Variants in CHODL observed in about 807,000 individuals in gnomAD.
CHODL encodes the protein chondrolectin, also known as transmembrane protein MT75.
A neutral mutation model predicts 34.5 loss-of-function variants in CHODL; 29 were observed. The observed-to-expected ratio is 0.84, with a 90% CI of 0.63 to 1.15. The LOEUF is 1.15. Among genes scored for constraint, CHODL ranks in the 50% most tolerant of loss-of-function variants. The pLI is 0.00. For missense variants in CHODL, 332 were observed against 332.5 expected, an observed-to-expected ratio of 1.00 and a Z score of 0.01; for synonymous variants, 125 against 116.1, an observed-to-expected ratio of 1.08 and a Z score of -0.49.
chr21:18,127,172 T>G (rs1601038295), intron 2 of CHODL, among the ~76,000 whole-genome samples: 1 of 148,010 alleles, frequency 6.8e-6, no homozygotes, highest in East Asian at 2.3e-4. Context: ...ATAATGATGA[T>G]GGATATATGT....
chr21:18,168,882 T>C (rs2073189913), intron 2 of CHODL, among the ~76,000 whole-genome samples: 1 of 152,192 alleles, frequency 6.6e-6, no homozygotes, highest in Non-Finnish European at 1.5e-5. Flanking sequence ...TTTCTAAGAA[T>C]TCTATAGGTT....
intron 1 of CHODL, among the ~76,000 whole-genome samples, chr21:18,008,808 C>T (rs528352379): frequency 2.6e-5 from 4 of 152,194 alleles, no homozygotes; most frequent in East Asian, 1.9e-4. Flanking sequence ...TATGTTACTC[C>T]GTTGGCATAT....
At chr21:18,180,825 C>T (rs115415656) in intron 2 of CHODL, among the ~76,000 whole-genome samples, 3,075 of 152,298 alleles carry the variant, frequency 0.02, 116 homozygotes, top group African/African-American at 0.068. Context: ...ATCTTTTCTG[C>T]TCTTTACTAG....
At chr21:18,122,566 T>C (rs2065493131) in intron 2 of CHODL, among the ~76,000 whole-genome samples, 1 of 152,170 alleles carries the variant, frequency 6.6e-6, no homozygotes, top group Admixed American at 6.5e-5. Flanking sequence ...TTTTACTATT[T>C]TAATGGGCTC....
intron 1 of CHODL, among the ~76,000 whole-genome samples, chr21:17,974,786 C>T (rs958825229): frequency 1.3e-5 from 2 of 151,478 alleles, no homozygotes; most frequent in African/African-American, 4.8e-5. Flanking sequence ...AACAAAACAT[C>T]TTTAATCACT....
intron 2 of CHODL, among the ~76,000 whole-genome samples, chr21:18,034,040 C>A (rs751008757): frequency 2.0e-5 from 3 of 151,912 alleles, no homozygotes; most frequent in African/African-American, 7.2e-5. Context: ...GAATTGAGAA[C>A]CCTATGAGTG....
chr21:18,251,739 T>C (rs2074258329), intron 1 of CHODL, among the ~76,000 whole-genome samples: 1 of 124,312 alleles, frequency 8.0e-6, no homozygotes, highest in Non-Finnish European at 1.7e-5. Flanking sequence ...TTATTTTATT[T>C]ATTTTATTTA....
rs1368751265 is a variant in CHODL at position 18,057,943 on chromosome 21, C to T, written c.-45+29972C>T. On this transcript the variant is annotated intron_variant, in intron 2 of 6. Transcript: ENST00000400127. ...TAAATCAGGGTAATTATTACATTATCACCTCAAATATTTATTATTTCAATG... is the reference window on the plus strand; with the variant it reads ...TAAATCAGGGTAATTATTACATTATTACCTCAAATATTTATTATTTCAATG... 1.3e-5 allele frequency among the ~76,000 whole-genome samples: 2 copies of T among 151,752 alleles called. 1 individual carries two copies. Among genetic ancestry groups the T allele is most frequent in the Non-Finnish European group, 2.9e-5 (2 of 67,936 alleles).
intron 2 of CHODL, among the ~76,000 whole-genome samples, chr21:18,138,296 G>T (rs1246980533): frequency 6.6e-6 from 1 of 151,776 alleles, no homozygotes; most frequent in African/African-American, 2.4e-5. Context: ...AAATTTCAAT[G>T]CATCTTTAAC....
intron 1 of CHODL, among the ~76,000 whole-genome samples, chr21:17,927,223 C>G (rs1467879361): frequency 7.0e-6 from 1 of 143,570 alleles, no homozygotes; most frequent in Non-Finnish European, 1.5e-5. Context: ...TATATATATC[C>G]CAGAGTTGAA....
At chr21:18,153,408 C>T (rs28438586) in intron 2 of CHODL, among the ~76,000 whole-genome samples, 7,274 of 152,170 alleles carry the variant, frequency 0.048, 512 homozygotes, top group African/African-American at 0.16. Context: ...TCACTTTTCT[C>T]CATCTTCAAA....
intron 2 of CHODL, among the ~76,000 whole-genome samples, chr21:18,205,124 T>C (rs1254416605): frequency 1.3e-5 from 2 of 152,174 alleles, no homozygotes; most frequent in Non-Finnish European, 2.9e-5. Context: ...CAGTACTATG[T>C]TGAATAATAG....
intron 1 of CHODL, among the ~76,000 whole-genome samples, chr21:18,026,852 C>T (rs1414614761): frequency 2.0e-5 from 3 of 152,174 alleles, no homozygotes; most frequent in African/African-American, 4.8e-5. Flanking sequence ...AAAGGTTAAA[C>T]ACAATCTTTA....
At chr21:17,989,844 C>T (rs947615255) in intron 1 of CHODL, among the ~76,000 whole-genome samples, 5 of 152,076 alleles carry the variant, frequency 3.3e-5, no homozygotes, top group South Asian at 2.1e-4. Context: ...GTCCCATTTC[C>T]GAGGAGTTAA....
intron 2 of CHODL, among the ~76,000 whole-genome samples, chr21:18,049,816 T>A (rs187560181): frequency 9.3e-4 from 141 of 152,106 alleles, no homozygotes; most frequent in Middle Eastern, 6.8e-3. Context: ...CAAATACGGC[T>A]GCATTATGGG....
At chr21:17,996,488 A>C (rs1283619184) in intron 1 of CHODL, among the ~76,000 whole-genome samples, 1 of 152,154 alleles carries the variant, frequency 6.6e-6, no homozygotes, top group Non-Finnish European at 1.5e-5. Context: ...CAGTCTAGTG[A>C]AGAAGGCAGC....
intron 1 of CHODL, chr21:18,024,746 T>A (rs1018955132): frequency 6.6e-6 from 1 of 152,172 alleles, no homozygotes; most frequent in African/African-American, 2.4e-5. Context: ...TTGAGTATCA[T>A]CCTCCTAGAA....
At chr21:18,161,468 A>G (rs2073094655) in intron 2 of CHODL, among the ~76,000 whole-genome samples, 1 of 152,122 alleles carries the variant, frequency 6.6e-6, no homozygotes, top group Non-Finnish European at 1.5e-5. Flanking sequence ...AAAGCTCCCC[A>G]TTTACTAGCT....
At chr21:18,150,439 A>G (rs2146625586) in intron 2 of CHODL, among the ~76,000 whole-genome samples, 1 of 152,160 alleles carries the variant, frequency 6.6e-6, no homozygotes, top group South Asian at 2.1e-4. Flanking sequence ...AAGCCTTAGA[A>G]TTTCATTTTT....
Sources: allele counts gnomAD v4.1 joint callset (sites outside exome capture counted in the v4.1 genomes callset), GRCh38; gene constraint gnomAD v4.1.1; transcripts MANE v1.5; gene names NCBI Gene and HGNC (gene_info 2026-07-23, HGNC 2026-07-21).